Variants in CAPZB observed in about 807,000 individuals in gnomAD.
CAPZB encodes capping actin protein of muscle Z-line subunit beta.
Under a neutral mutation model 38.1 loss-of-function variants are expected in CAPZB, and 2 were observed. The ratio of observed to expected loss-of-function variants is 0.05; its 90% confidence interval spans 0.02 to 0.17. The LOEUF is 0.17. Among genes scored for constraint, CAPZB ranks in the 10% least tolerant of loss-of-function variants. The pLI, the probability that CAPZB is intolerant of heterozygous loss-of-function variation, is 1.00. For synonymous variants in CAPZB, 107 were observed against 127.4 expected (o/e 0.84, Z 1.08); for missense variants, 161 against 334.2 (o/e 0.48, Z 4.04).
intron 1 of CAPZB, among the ~76,000 whole-genome samples, chr1:19,458,416 C>T (rs2094540067): frequency 6.6e-6 from 1 of 152,156 alleles, no homozygotes; most frequent in Admixed American, 6.5e-5. Context: ...TGCAGTGGTG[C>T]GATCTCAGCT....
At chr1:19,355,533 C>T (rs547536844) in intron 6 of CAPZB, among the ~76,000 whole-genome samples, 29 of 151,954 alleles carry the variant, frequency 1.9e-4, no homozygotes, top group Middle Eastern at 3.4e-3. Context: ...TCGATCCTTT[C>T]GGTCATATTT....
At chr1:19,345,851 A>C (rs2093957651) in intron 6 of CAPZB, among the ~76,000 whole-genome samples, 1 of 152,212 alleles carries the variant, frequency 6.6e-6, no homozygotes, top group Non-Finnish European at 1.5e-5. Flanking sequence ...CCTTCCTCGC[A>C]CCAGGGCCTG....
intron 6 of CAPZB, among the ~76,000 whole-genome samples, chr1:19,345,699 G>A (rs944135512): frequency 1.3e-5 from 2 of 152,242 alleles, no homozygotes; most frequent in African/African-American, 2.4e-5. Context: ...GCGCCCTGGC[G>A]CTCCCAAATG....
intron 1 of CAPZB, among the ~76,000 whole-genome samples, chr1:19,480,116 G>C (rs2094622272): frequency 6.6e-6 from 1 of 152,098 alleles, no homozygotes; most frequent in African/African-American, 2.4e-5. Context: ...ATGGGTCCCT[G>C]GCTAAGTCTT....
chr1:19,361,371 AG>A (rs1173878701), intron 4 of CAPZB, among the ~76,000 whole-genome samples: 6 of 152,220 alleles, frequency 3.9e-5, no homozygotes, highest in Non-Finnish European at 5.9e-5. Flanking sequence ...ATTCACCAAA[AG>A]GGATCTCCAG....
At chr1:19,476,187 GA>G (rs2094605936) in intron 1 of CAPZB, among the ~76,000 whole-genome samples, 1 of 125,886 alleles carries the variant, frequency 7.9e-6, no homozygotes, top group African/African-American at 4.3e-5. Context: ...TAGATAGATA[GA>G]TAGATAGATA....
chr1:19,387,929 C>A (rs2094212498), intron 2 of CAPZB, among the ~76,000 whole-genome samples: 1 of 152,170 alleles, frequency 6.6e-6, no homozygotes, highest in Admixed American at 6.5e-5. Context: ...TAGACAATAT[C>A]ATCTGTCACC....
intron 4 of CAPZB, among the ~76,000 whole-genome samples, chr1:19,362,358 T>C (rs2094058049): frequency 6.6e-6 from 1 of 152,192 alleles, no homozygotes; most frequent in Non-Finnish European, 1.5e-5. Flanking sequence ...TGCTTCAGCT[T>C]CCCAAGTAGC....
intron 4 of CAPZB, among the ~76,000 whole-genome samples, chr1:19,368,679 T>C (rs892672500): frequency 6.8e-6 from 1 of 147,278 alleles, no homozygotes; most frequent in Non-Finnish European, 1.5e-5. Context: ...TTTTTTTTTT[T>C]TAATTAGACA....
intron 1 of CAPZB, 21 bp from the exon 2 acceptor site, chr1:19,419,771 G>C: frequency 7.4e-7 from 1 of 1,359,898 alleles, no homozygotes; most frequent in Non-Finnish European, 1.0e-6. Context: ...AGAAATACAA[G>C]TGCGTCAGTC....
At chr1:19,423,450 C>A (rs1198956195) in intron 1 of CAPZB, among the ~76,000 whole-genome samples, 1 of 151,620 alleles carries the variant, frequency 6.6e-6, no homozygotes, top group African/African-American at 2.4e-5. Context: ...GGGGGCTAGT[C>A]CCAGGGGCCT....
At chr1:19,475,650 G>C (rs369289682) in intron 1 of CAPZB, among the ~76,000 whole-genome samples, 1 of 152,338 alleles carries the variant, frequency 6.6e-6, no homozygotes, top group East Asian at 1.9e-4. Flanking sequence ...GCTTGGCCGA[G>C]AGCTCAGGCC....
intron 4 of CAPZB, among the ~76,000 whole-genome samples, chr1:19,375,527 C>T (rs1465658216): frequency 6.6e-6 from 1 of 152,266 alleles, no homozygotes; most frequent in East Asian, 1.9e-4. Flanking sequence ...GCCTGGATCC[C>T]ACTACACACT....
At chr1:19,433,078 C>T (rs371320806) in intron 1 of CAPZB, among the ~76,000 whole-genome samples, 86 of 152,348 alleles carry the variant, frequency 5.6e-4, no homozygotes, top group Non-Finnish European at 1.1e-3. Flanking sequence ...ATCTGCAAGG[C>T]GCCATCACCT....
chr1:19,473,179 T>A, intron 1 of CAPZB, among the ~76,000 whole-genome samples: 1 of 152,200 alleles, frequency 6.6e-6, no homozygotes, highest in East Asian at 1.9e-4. Context: ...GAAAATGACA[T>A]CCTTGGATCA....
chr1:19,461,126 C>G (rs74603352), intron 1 of CAPZB, among the ~76,000 whole-genome samples: 2,564 of 151,776 alleles, frequency 0.017, 64 homozygotes, highest in East Asian at 0.12. Flanking sequence ...TCCAGCACAG[C>G]ACGTGGCTCA....
chr1:19,464,671 T>C (rs1472111456), intron 1 of CAPZB, among the ~76,000 whole-genome samples: 4 of 152,148 alleles, frequency 2.6e-5, no homozygotes, highest in Non-Finnish European at 5.9e-5. Context: ...AACTGCTGAA[T>C]GGTACGTCCA....
intron 3 of CAPZB, among the ~76,000 whole-genome samples, chr1:19,379,381 G>A (rs986383204): frequency 2.0e-5 from 3 of 152,142 alleles, no homozygotes; most frequent in African/African-American, 7.2e-5. Flanking sequence ...TTATAGGTGT[G>A]AGCCACCGCG....
intron 1 of CAPZB, among the ~76,000 whole-genome samples, chr1:19,426,257 T>C (rs1450612194): frequency 6.6e-6 from 1 of 152,234 alleles, no homozygotes; most frequent in Non-Finnish European, 1.5e-5. Flanking sequence ...GCCACATTCT[T>C]TAAAATCCAC....
Sources: gnomAD v4.1 joint callset for allele counts (sites outside exome capture counted in the v4.1 genomes callset) on GRCh38, gnomAD v4.1.1 for gene constraint, MANE v1.5 for transcripts, NCBI Gene and HGNC (gene_info 2026-07-23, HGNC 2026-07-21) for gene names.